SEMA3A: variants seen among roughly 807,000 people sequenced by gnomAD.
SEMA3A encodes the protein semaphorin-3A.
A neutral mutation model predicts 97.9 loss-of-function variants in SEMA3A; 29 were observed. The observed-to-expected ratio is 0.30, with a 90% CI of 0.22 to 0.40. SEMA3A has a LOEUF of 0.40. Ranked by LOEUF, SEMA3A falls within the 10% of genes least tolerant of loss-of-function variation. The pLI, the probability that SEMA3A is intolerant of heterozygous loss-of-function variation, is 1.00. For missense variants in SEMA3A, 763 were observed against 951.3 expected (o/e 0.80, Z 2.60); for synonymous variants, 321 against 323.7 (o/e 0.99, Z 0.09).
intron 5 of SEMA3A, among the ~76,000 whole-genome samples, chr7:84,058,031 G>A (rs1226833088): frequency 6.6e-6 from 1 of 152,052 alleles, no homozygotes; most frequent in African/African-American, 2.4e-5. Context: ...AAAATTTTAA[G>A]CTGTCATCTG....
At chr7:84,095,270 T>TGTAGCATATATATGGCATTA (rs1794725674) in intron 4 of SEMA3A, among the ~76,000 whole-genome samples, 1 of 59,138 alleles carries the variant, frequency 1.7e-5, no homozygotes. Context: ...TATACCATTA[T>TGTAGCATATATATGGCATTA]TATGTAGCAT....
intron 3 of SEMA3A, among the ~76,000 whole-genome samples, chr7:84,270,905 G>T (rs10224865): frequency 0.079 from 11,950 of 151,646 alleles, 650 homozygotes; most frequent in East Asian, 0.29. Flanking sequence ...GAACTTTCAG[G>T]TAGATTACTT....
Position 84,174,810 on chromosome 7 carries a change from C to G in SEMA3A, c.112+19665G>C, listed in dbSNP as rs142452059. 8.4e-4 allele frequency among the ~76,000 whole-genome samples: 128 copies of G among 152,168 alleles called. No homozygotes were observed. In the East Asian group the frequency reaches 0.016, roughly 19 times the overall value. ...CAATACGCTTAGAAGAAAGCTTTCA[C>G]TTTTTCAGAAGATTTTAGGTGTTGT... On this transcript the variant is annotated intron_variant, in intron 1 of 16. Coordinates refer to ENST00000265362, the MANE Select transcript of SEMA3A (RefSeq NM_006080.3).
intron 5 of SEMA3A, among the ~76,000 whole-genome samples, chr7:84,050,605 A>G (rs1028100651): frequency 6.6e-6 from 1 of 152,032 alleles, no homozygotes; most frequent in Non-Finnish European, 1.5e-5. Context: ...GATTCTGGAT[A>G]TTAGCCCTTT....
intron 1 of SEMA3A, among the ~76,000 whole-genome samples, chr7:84,378,402 C>T (rs1803163377): frequency 6.6e-6 from 1 of 152,048 alleles, no homozygotes; most frequent in African/African-American, 2.4e-5. Flanking sequence ...AGTTAATGTC[C>T]TTTGCAGGGA....
At chr7:84,152,208 C>A (rs558821142) in intron 1 of SEMA3A, among the ~76,000 whole-genome samples, 1 of 151,542 alleles carries the variant, frequency 6.6e-6, no homozygotes, top group African/African-American at 2.4e-5. Flanking sequence ...ACCCAAAGGA[C>A]AATAAATCAT....
At chr7:84,264,488 G>A (rs1035643719) in intron 3 of SEMA3A, among the ~76,000 whole-genome samples, 46 of 152,226 alleles carry the variant, frequency 3.0e-4, no homozygotes, top group Middle Eastern at 3.4e-3. Context: ...AATAAATTCA[G>A]GGATACCAGA....
rs1001741531 is a variant in SEMA3A, at chr7:84,456,289, G to A, written c.-246+36171C>T. On this transcript the variant is annotated intron_variant, in intron 1 of 3. Transcript: ENST00000424555. ...CAAATCAAGTCGATTTGGGGAGTAG[G>A]TGGTGGATAAAGTCTTAATATGGTA... Among the ~76,000 whole-genome samples the A allele has an allele frequency of 7.0e-4, 106 of 152,008 alleles. 1 individual carries two copies. Among genetic ancestry groups the A allele is most frequent in the African/African-American group, 2.5e-3 (104 of 41,542 alleles).
At chr7:84,214,794 G>C (rs945778647) in intron 3 of SEMA3A, among the ~76,000 whole-genome samples, 1 of 151,640 alleles carries the variant, frequency 6.6e-6, no homozygotes, top group East Asian at 1.9e-4. Context: ...TGCCTCCTGG[G>C]TTCAAGCAAT....
intron 7 of SEMA3A, among the ~76,000 whole-genome samples, chr7:84,011,518 T>C (rs1006867163): frequency 1.2e-4 from 19 of 152,168 alleles, no homozygotes; most frequent in African/African-American, 3.4e-4. Flanking sequence ...GGGATATTTA[T>C]TGTGAGTAGT....
intron 3 of SEMA3A, among the ~76,000 whole-genome samples, chr7:84,223,417 A>G (rs975418933): frequency 1.6e-4 from 24 of 151,866 alleles, no homozygotes; most frequent in Admixed American, 3.9e-4. Flanking sequence ...TGATCAATGG[A>G]GAGGTTAAGC....
At chr7:84,298,687 G>A (rs1800924969) in intron 3 of SEMA3A, among the ~76,000 whole-genome samples, 1 of 152,146 alleles carries the variant, frequency 6.6e-6, no homozygotes, top group African/African-American at 2.4e-5. Context: ...AAAAAGCACT[G>A]AAGAACTTTC....
intron 3 of SEMA3A, among the ~76,000 whole-genome samples, chr7:84,252,528 TA>T (rs1799632087): frequency 6.6e-6 from 1 of 152,202 alleles, no homozygotes; most frequent in South Asian, 2.1e-4. Flanking sequence ...GAACCTGTCA[TA>T]AAAATTACTG....
chr7:84,098,651 G>C (rs576351720), intron 4 of SEMA3A, among the ~76,000 whole-genome samples: 1 of 152,158 alleles, frequency 6.6e-6, no homozygotes, highest in East Asian at 1.9e-4. Flanking sequence ...TTTCAAGAAG[G>C]TTCTTGATAA....
At chr7:84,150,271 A>G (rs541111517) in intron 1 of SEMA3A, among the ~76,000 whole-genome samples, 1 of 152,306 alleles carries the variant, frequency 6.6e-6, no homozygotes, top group East Asian at 1.9e-4. Context: ...TCCAGTCTAC[A>G]GCTCCCAGCG....
At chr7:84,142,076 T>A (rs776411057) in intron 1 of SEMA3A, among the ~76,000 whole-genome samples, 20 of 152,198 alleles carry the variant, frequency 1.3e-4, no homozygotes, top group Admixed American at 1.3e-3. Flanking sequence ...CTTATAAAGC[T>A]TCAAAGGCAG....
At chr7:84,277,885 T>C (rs904982571) in intron 3 of SEMA3A, among the ~76,000 whole-genome samples, 2 of 152,120 alleles carry the variant, frequency 1.3e-5, no homozygotes, top group Admixed American at 6.6e-5. Context: ...TCCTTTTTGT[T>C]ATGCAAATTG....
rs149948797 is a variant in SEMA3A, at chr7:84,472,945, A to G, written c.-246+19515T>C. On this transcript the variant is annotated intron_variant, in intron 1 of 3. Transcript: ENST00000424555. ...TAGTTTAGAGAGATCCTCATGTGAC[A>G]GCATTAGTGGCATTAAAAACGGTAC... is the stretch of plus-strand genomic sequence containing the variant. 3.2e-4 allele frequency among the ~76,000 whole-genome samples: 49 copies of G among 152,330 alleles called. 1 individual carries two copies. The highest frequency in any genetic ancestry group is 1.1e-3 in the African/African-American group (46 of 41,586).
chr7:84,338,229 C>T (rs1005947232), intron 2 of SEMA3A, among the ~76,000 whole-genome samples: 1 of 151,336 alleles, frequency 6.6e-6, no homozygotes, highest in Non-Finnish European at 1.5e-5. Flanking sequence ...TGGGTCAGTA[C>T]ATATGAAATG....
Sources: gnomAD v4.1 joint callset for allele counts (sites outside exome capture counted in the v4.1 genomes callset) on GRCh38, gnomAD v4.1.1 for gene constraint, MANE v1.5 for transcripts, NCBI Gene and HGNC (gene_info 2026-07-23, HGNC 2026-07-21) for gene names.